Variants in DCC observed in about 807,000 individuals in gnomAD.
DCC encodes DCC netrin 1 receptor.
In DCC, 58 loss-of-function variants were observed where a neutral mutation model predicts 172.5. That is an observed-to-expected ratio of 0.34 (90% CI 0.27 to 0.42). The LOEUF (loss-of-function observed/expected upper bound fraction) is 0.42, where lower values mean the gene tolerates loss of function less well. DCC is among the 10% of genes least tolerant of loss of function. DCC has a pLI of 1.00. For missense variants in DCC, 1,740 were observed against 1,791.0 expected (o/e 0.97, Z 0.51); for synonymous variants, 709 against 644.5 (o/e 1.10, Z -1.52).
rs1001140828 is a variant in DCC, at chr18:53,205,316, C to T, written c.1674C>T (p.Val558=). The T allele has an allele frequency of 3.7e-6, 6 of 1,613,770 alleles. No individual in the cohort carries two copies. The highest frequency in any genetic ancestry group is 5.1e-6 in the Non-Finnish European group (6 of 1,179,880). The change falls in exon 10 of 29, where the codon GTC becomes GTT. Residue 558 remains valine (V), a synonymous_variant. Coordinates refer to ENST00000442544, the MANE Select transcript of DCC (RefSeq NM_005215.4). ...WEPPAYANGP[V]QGYRLFCTEV... ...CCCCTGCCTATGCAAACGGTCCAGT[C>T]CAAGGTTACAGATTGTTCTGCACTG...
chr18:53,491,964 C>A (rs956339922), intron 26 of DCC, among the ~76,000 whole-genome samples: 1 of 152,210 alleles, frequency 6.6e-6, no homozygotes, highest in African/African-American at 2.4e-5. Context: ...CACATCCTCT[C>A]CAGCATCTGT....
chr18:53,166,353 A>G (rs548681068), intron 8 of DCC, among the ~76,000 whole-genome samples: 1 of 152,238 alleles, frequency 6.6e-6, no homozygotes, highest in African/African-American at 2.4e-5. Context: ...GGCCGTGGAA[A>G]TAGGAATCTG....
intron 1 of DCC, among the ~76,000 whole-genome samples, chr18:52,541,553 C>T (rs2032446707): frequency 6.6e-6 from 1 of 152,042 alleles, no homozygotes. Flanking sequence ...ATTCTTAGAA[C>T]TGGAGTATCA....
intron 15 of DCC, among the ~76,000 whole-genome samples, chr18:53,384,543 GT>G (rs371189781): frequency 4.4e-4 from 67 of 151,200 alleles, no homozygotes; most frequent in African/African-American, 1.6e-3. Context: ...CTTTTGTTAT[GT>G]TTTTGCTTTT....
intron 7 of DCC, among the ~76,000 whole-genome samples, chr18:53,085,364 A>G (rs1488841331): frequency 1.3e-5 from 2 of 152,176 alleles, no homozygotes; most frequent in Non-Finnish European, 2.9e-5. Flanking sequence ...TCCATCTAAA[A>G]TAATTAAGGA....
At chr18:53,037,430 T>C (rs2042110195) in intron 5 of DCC, among the ~76,000 whole-genome samples, 1 of 151,924 alleles carries the variant, frequency 6.6e-6, no homozygotes, top group Non-Finnish European at 1.5e-5. Context: ...GGGTAGACAT[T>C]GAAAGAAACA....
At position 52,609,644 on chromosome 18, in the gene DCC, C is replaced by T. The variant is rs1200632575; in HGVS notation, c.92-142410C>T. The stretch of plus-strand genomic sequence containing the variant: ...AAACATTCCTCTCTGTTATTACCTC[C>T]AGCACAACTTTGCTGTAGAATTTTC... On this transcript the variant is annotated intron_variant, in intron 1 of 28. Coordinates refer to ENST00000442544, the MANE Select transcript of DCC (RefSeq NM_005215.4). 3.5e-3 allele frequency among the ~76,000 whole-genome samples: 539 copies of T among 151,960 alleles called. 5 individuals carry two copies. The highest frequency in any genetic ancestry group is 0.012 in the African/African-American group (511 of 41,412).
intron 12 of DCC, among the ~76,000 whole-genome samples, chr18:53,235,825 C>G (rs1373567669): frequency 6.6e-6 from 1 of 152,122 alleles, no homozygotes; most frequent in Non-Finnish European, 1.5e-5. Flanking sequence ...TACTTTCTGT[C>G]TCTGAATTTG....
chr18:52,686,512 T>C (rs967438468), intron 1 of DCC, among the ~76,000 whole-genome samples: 1 of 152,116 alleles, frequency 6.6e-6, no homozygotes, highest in African/African-American at 2.4e-5. Context: ...TGAGGTAATG[T>C]TACCCCTACT....
chr18:52,555,580 A>G (rs2050122032), intron 1 of DCC, among the ~76,000 whole-genome samples: 1 of 152,134 alleles, frequency 6.6e-6, no homozygotes, highest in South Asian at 2.1e-4. Flanking sequence ...AGTGGCAAAA[A>G]GAATATAGTG....
At chr18:53,302,631 T>C (rs1022349395) in intron 12 of DCC, among the ~76,000 whole-genome samples, 2 of 152,216 alleles carry the variant, frequency 1.3e-5, no homozygotes, top group African/African-American at 2.4e-5. Context: ...CAAATAGATA[T>C]CTTAGAAACC....
At chr18:52,900,156 T>C (rs765437146) in intron 2 of DCC, among the ~76,000 whole-genome samples, 43 of 152,202 alleles carry the variant, frequency 2.8e-4, no homozygotes, top group Non-Finnish European at 4.6e-4. Flanking sequence ...TGTTACTGCA[T>C]TGAACTATTA....
chr18:53,013,020 A>G (rs2041753109), intron 5 of DCC, among the ~76,000 whole-genome samples: 1 of 152,202 alleles, frequency 6.6e-6, no homozygotes, highest in Non-Finnish European at 1.5e-5. Context: ...AACCACAATG[A>G]GATACCATTT....
chr18:52,909,097 A>T (rs2039931431), intron 3 of DCC, among the ~76,000 whole-genome samples: 1 of 152,260 alleles, frequency 6.6e-6, no homozygotes, highest in Non-Finnish European at 1.5e-5. Flanking sequence ...GAATGAATGA[A>T]TGAATGAATG....
At chr18:52,965,833 T>A (rs1366280286) in intron 5 of DCC, among the ~76,000 whole-genome samples, 1 of 152,258 alleles carries the variant, frequency 6.6e-6, no homozygotes, top group South Asian at 2.1e-4. Flanking sequence ...GAGTTCTCTT[T>A]CCACTGGATC....
At chr18:52,670,619 C>A (rs754902861) in intron 1 of DCC, among the ~76,000 whole-genome samples, 4 of 152,178 alleles carry the variant, frequency 2.6e-5, no homozygotes, top group Admixed American at 6.5e-5. Context: ...GCAGGTGGAT[C>A]ACCTGAGGTC....
intron 24 of DCC, among the ~76,000 whole-genome samples, chr18:53,460,640 A>C (rs1181211448): frequency 1.3e-5 from 2 of 151,968 alleles, no homozygotes; most frequent in Non-Finnish European, 2.9e-5. Context: ...ATAGTATTCC[A>C]TGGTGTATAT....
chr18:52,968,604 T>C (rs990317434), intron 5 of DCC, among the ~76,000 whole-genome samples: 2 of 152,120 alleles, frequency 1.3e-5, no homozygotes, highest in Non-Finnish European at 2.9e-5. Flanking sequence ...ATTTACCTCT[T>C]AACCATCCAC....
intron 1 of DCC, among the ~76,000 whole-genome samples, chr18:52,397,524 A>G (rs1236814928): frequency 6.6e-6 from 1 of 152,048 alleles, no homozygotes; most frequent in Non-Finnish European, 1.5e-5. Context: ...CCCATCAGCT[A>G]TGAAAGGAAG....
Sources: allele counts gnomAD v4.1 joint callset (sites outside exome capture counted in the v4.1 genomes callset), GRCh38; gene constraint gnomAD v4.1.1; transcripts MANE v1.5; gene names NCBI Gene and HGNC (gene_info 2026-07-23, HGNC 2026-07-21).